BNC2: variants seen among roughly 807,000 people sequenced by gnomAD.
The protein encoded by BNC2 is basonuclin zinc finger protein 2.
A neutral mutation model predicts 76.3 loss-of-function variants in BNC2; 20 were observed. The ratio of observed to expected loss-of-function variants is 0.26; its 90% CI spans 0.18 to 0.38. The LOEUF (loss-of-function observed/expected upper bound fraction) is 0.38, where lower values mean the gene tolerates loss of function less well. BNC2 is among the 10% of genes least tolerant of loss of function. The pLI is 1.00. For synonymous variants in BNC2, 582 were observed against 514.8 expected (o/e 1.13, Z -1.77); for missense variants, 1,382 against 1,399.8 (o/e 0.99, Z 0.20).
chr9:16,485,735 C>T (rs966736310), intron 5 of BNC2, among the ~76,000 whole-genome samples: 1 of 152,014 alleles, frequency 6.6e-6, no homozygotes, highest in Non-Finnish European at 1.5e-5. Context: ...CTTGAGCCCA[C>T]GAGGGCGAGA....
intron 1 of BNC2, among the ~76,000 whole-genome samples, chr9:16,800,816 T>C (rs184145730): frequency 7.2e-5 from 11 of 152,320 alleles, no homozygotes; most frequent in Admixed American, 3.9e-4. Context: ...TTTAAAAACC[T>C]CTTCTTTTTC....
chr9:16,606,760 G>A (rs969574306), intron 3 of BNC2, among the ~76,000 whole-genome samples: 3 of 152,130 alleles, frequency 2.0e-5, no homozygotes, highest in African/African-American at 4.8e-5. Context: ...GTTTCGCCAC[G>A]TTGGCCAGGC....
At chr9:16,560,867 G>A (rs987422687) in intron 4 of BNC2, among the ~76,000 whole-genome samples, 1 of 152,244 alleles carries the variant, frequency 6.6e-6, no homozygotes, top group Non-Finnish European at 1.5e-5. Context: ...AGCTGGTGAA[G>A]GTACTGGATG....
chr9:16,651,373 C>T (rs747951136), intron 3 of BNC2, among the ~76,000 whole-genome samples: 1 of 152,328 alleles, frequency 6.6e-6, no homozygotes, highest in South Asian at 2.1e-4. Context: ...ACCCACTTTA[C>T]ATTTCCCTTT....
intron 1 of BNC2, among the ~76,000 whole-genome samples, chr9:16,785,553 C>G (rs1322039139): frequency 9.0e-6 from 1 of 111,460 alleles, no homozygotes; most frequent in Non-Finnish European, 1.8e-5. Flanking sequence ...TACCACTACA[C>G]CCGGCTTTTT....
intron 3 of BNC2, among the ~76,000 whole-genome samples, chr9:16,703,785 T>G (rs115386848): frequency 0.012 from 1,858 of 152,272 alleles, 40 homozygotes; most frequent in African/African-American, 0.041. Context: ...GCTATATTCT[T>G]GAGTTGAATT....
At chr9:16,603,901 T>C (rs1820308935) in intron 3 of BNC2, among the ~76,000 whole-genome samples, 4 of 152,048 alleles carry the variant, frequency 2.6e-5, no homozygotes, top group African/African-American at 9.7e-5. Flanking sequence ...AAAAACATTC[T>C]GTCACAGTAC....
Position 16,707,509 on chromosome 9 carries a change from T to C in BNC2, c.330+20288A>G, listed in dbSNP as rs184144872. 1.8e-3 allele frequency among the ~76,000 whole-genome samples: 270 copies of C among 152,318 alleles called. 1 individual carries two copies. Among genetic ancestry groups the C allele is most frequent in the Middle Eastern group, 0.017 (5 of 294 alleles). ...GCCTATGAAAAGAGGTCTGTGAAGTTGCACCTGCAGTACATGTAACCCTCT... is the reference window on the plus strand; with the variant it reads ...GCCTATGAAAAGAGGTCTGTGAAGTCGCACCTGCAGTACATGTAACCCTCT... On this transcript the variant is annotated intron_variant, in intron 3 of 6. Coordinates refer to ENST00000380672, the MANE Select transcript of BNC2 (RefSeq NM_017637.6).
At chr9:16,517,087 AG>A (rs1191545808) in intron 5 of BNC2, among the ~76,000 whole-genome samples, 1 of 152,220 alleles carries the variant, frequency 6.6e-6, no homozygotes, top group African/African-American at 2.4e-5. Context: ...TGAGGTTTTG[AG>A]GACTAACAAC....
chr9:16,530,063 A>G lies in BNC2; in HGVS notation c.669+22467T>C, dbSNP rs528340729. On this transcript the variant is annotated intron_variant, in intron 5 of 6. Coordinates refer to ENST00000380672, the MANE Select transcript of BNC2 (RefSeq NM_017637.6). ...GGGTTTCACTTTCATCATGTTGGCC[A>G]GTCTGGTCTTGAACTGCTGACTTCA... 3.1e-3 allele frequency among the ~76,000 whole-genome samples: 478 copies of G among 152,138 alleles called. 1 individual carries two copies. Among genetic ancestry groups the G allele is most frequent in the Non-Finnish European group, 5.3e-3 (359 of 68,008 alleles).
At chr9:16,465,236 G>C (rs1821678792) in intron 5 of BNC2, among the ~76,000 whole-genome samples, 1 of 152,150 alleles carries the variant, frequency 6.6e-6, no homozygotes, top group Non-Finnish European at 1.5e-5. Flanking sequence ...GGCAGTTCAA[G>C]ACCAGCCTGG....
intron 3 of BNC2, among the ~76,000 whole-genome samples, chr9:16,712,659 T>C (rs534362825): frequency 6.6e-6 from 1 of 152,330 alleles, no homozygotes; most frequent in Non-Finnish European, 1.5e-5. Flanking sequence ...GCCAAAGCAC[T>C]GATATTTCAC....
intron 5 of BNC2, among the ~76,000 whole-genome samples, chr9:16,514,239 G>C (rs1196685475): frequency 6.6e-6 from 1 of 152,210 alleles, no homozygotes; most frequent in Admixed American, 6.5e-5. Flanking sequence ...AGACCATGCA[G>C]CCTGAGAGTT....
rs537774596 is a variant in BNC2, at chr9:16,663,366, G to C, written c.330+64431C>G. On this transcript the variant is annotated intron_variant, in intron 3 of 6. Coordinates refer to ENST00000380672, the MANE Select transcript of BNC2 (RefSeq NM_017637.6). Reference sequence around the variant, plus strand: ...GCTCGTCTCAAACTCCTAACCTCATGATCCACTGGCCTCAGCCTCCCAAAG... The same window carrying C: ...GCTCGTCTCAAACTCCTAACCTCATCATCCACTGGCCTCAGCCTCCCAAAG... 7.2e-5 allele frequency among the ~76,000 whole-genome samples: 11 copies of C among 152,018 alleles called. No individual in the cohort carries two copies. In the South Asian group the frequency reaches 2.3e-3, roughly 32 times the overall value.
At chr9:16,673,451 C>T (rs1265507730) in intron 3 of BNC2, among the ~76,000 whole-genome samples, 1 of 150,872 alleles carries the variant, frequency 6.6e-6, no homozygotes, top group Non-Finnish European at 1.5e-5. Context: ...AAAACACACA[C>T]ACACACACAC....
At chr9:16,802,647 T>A (rs999034762) in intron 1 of BNC2, among the ~76,000 whole-genome samples, 1 of 152,210 alleles carries the variant, frequency 6.6e-6, no homozygotes, top group African/African-American at 2.4e-5. Context: ...TTTGTCCATC[T>A]CTAGCAAGAC....
chr9:16,453,989 C>T (rs1490126524), intron 5 of BNC2, among the ~76,000 whole-genome samples: 1 of 152,176 alleles, frequency 6.6e-6, no homozygotes, highest in Non-Finnish European at 1.5e-5. Flanking sequence ...ACACTATATA[C>T]TCCCACCACC....
At chr9:16,637,512 G>C (rs1026825118) in intron 3 of BNC2, among the ~76,000 whole-genome samples, 15 of 152,188 alleles carry the variant, frequency 9.9e-5, no homozygotes, top group African/African-American at 3.1e-4. Context: ...TAACCAGTGT[G>C]TGATTTAAAT....
At chr9:16,491,174 A>C (rs1822272879) in intron 5 of BNC2, among the ~76,000 whole-genome samples, 1 of 152,212 alleles carries the variant, frequency 6.6e-6, no homozygotes, top group Admixed American at 6.5e-5. Context: ...TTTACATTAC[A>C]TGTTGCAGTC....
Sources: gnomAD v4.1 joint callset for allele counts (sites outside exome capture counted in the v4.1 genomes callset) on GRCh38, gnomAD v4.1.1 for gene constraint, MANE v1.5 for transcripts, NCBI Gene and HGNC (gene_info 2026-07-23, HGNC 2026-07-21) for gene names.